The following SCUBE1 variants were observed in gnomAD, a reference collection of about 807,000 sequenced individuals.
The protein encoded by SCUBE1 is signal peptide, CUB domain and EGF like domain containing 1.
In SCUBE1, 59 loss-of-function variants were observed where a neutral mutation model predicts 124.4. That is an observed-to-expected ratio of 0.47 (90% confidence interval 0.38 to 0.59). SCUBE1 has a LOEUF of 0.59. Ranked by LOEUF, SCUBE1 falls within the 20% of genes least tolerant of loss-of-function variation. The probability of loss-of-function intolerance (pLI) is 0.00; values close to 1 mark genes in which losing one functional copy is unlikely to be tolerated. For synonymous variants in SCUBE1, 545 were observed against 550.9 expected, an observed-to-expected ratio of 0.99 and a Z score of 0.15; for missense variants, 1,150 against 1,371.2, an observed-to-expected ratio of 0.84 and a Z score of 2.55.
chr22:43,288,035 G>C (rs546437108), intron 4 of SCUBE1, among the ~76,000 whole-genome samples: 5 of 152,328 alleles, frequency 3.3e-5, no homozygotes, highest in African/African-American at 1.2e-4. Flanking sequence ...GCACCTTGTC[G>C]TTCGAGAGCA....
intron 3 of SCUBE1, among the ~76,000 whole-genome samples, chr22:43,311,324 C>A (rs1926160880): frequency 6.6e-6 from 1 of 152,130 alleles, no homozygotes; most frequent in Admixed American, 6.5e-5. Context: ...GCACTGAAAA[C>A]CATGTCTGGC....
rs985460416 is a variant in SCUBE1 at position 43,234,241 on chromosome 22, T to C, written c.845-2366A>G. ...AGGCCCATCTTGACTCTGCCTCAGTTGGCTGTGTGATGCTGGGCAGGGAAA... is the reference window on the plus strand; with the variant it reads ...AGGCCCATCTTGACTCTGCCTCAGTCGGCTGTGTGATGCTGGGCAGGGAAA... On this transcript the variant is annotated intron_variant, in intron 7 of 21. Coordinates refer to ENST00000360835, the MANE Select transcript of SCUBE1 (RefSeq NM_173050.5). This position sits in a 1 kb window ranked among gnomAD's most constrained non-coding sequence, Gnocchi z 4.4. 1.3e-5 allele frequency among the ~76,000 whole-genome samples: 2 copies of C among 152,206 alleles called. No individual in the cohort carries two copies. Among genetic ancestry groups the C allele is most frequent in the Non-Finnish European group, 2.9e-5 (2 of 68,040 alleles).
At chr22:43,331,039 T>A (rs1926887203) in intron 2 of SCUBE1, among the ~76,000 whole-genome samples, 1 of 152,174 alleles carries the variant, frequency 6.6e-6, no homozygotes, top group South Asian at 2.1e-4. Context: ...GTAATAATGA[T>A]GATGAAAATG....
In SCUBE1 at chr22:43,234,716, G is replaced by A. The variant is rs992290257; in HGVS notation, c.845-2841C>T. Among the ~76,000 whole-genome samples, 3 of 152,212 alleles carry A rather than the reference G, an allele frequency of 2.0e-5. No individual in the cohort carries two copies. Among genetic ancestry groups the A allele is most frequent in the African/African-American group, 7.2e-5 (3 of 41,530 alleles). On this transcript the variant is annotated intron_variant, in intron 7 of 21. Transcript: ENST00000360835. This position sits in a 1 kb window ranked among gnomAD's most constrained non-coding sequence, Gnocchi z 4.4. ...TTCCCACCCCACCGCCCCACACCAGGCAGCCAGCACCACCTTCCGCACACA... is the reference window on the plus strand; with the variant it reads ...TTCCCACCCCACCGCCCCACACCAGACAGCCAGCACCACCTTCCGCACACA...
intron 2 of SCUBE1, among the ~76,000 whole-genome samples, chr22:43,330,902 A>G (rs765748370): frequency 2.6e-5 from 4 of 152,284 alleles, no homozygotes; most frequent in Middle Eastern, 3.4e-3. Context: ...GTTAGCATGC[A>G]TAATTGCATG....
intron 4 of SCUBE1, among the ~76,000 whole-genome samples, chr22:43,281,483 TC>T (rs1924866605): frequency 3.4e-5 from 2 of 58,876 alleles, no homozygotes; most frequent in African/African-American, 2.8e-4. Context: ...GTCACCTCCC[TC>T]TTTGGCCACC....
intron 3 of SCUBE1, among the ~76,000 whole-genome samples, chr22:43,295,122 G>C (rs143970104): frequency 6.6e-6 from 1 of 152,128 alleles, no homozygotes; most frequent in Non-Finnish European, 1.5e-5. Flanking sequence ...TGTGAATGAC[G>C]ACCCTTCAAG....
intron 6 of SCUBE1, among the ~76,000 whole-genome samples, chr22:43,242,568 G>T (rs1332097891): frequency 6.6e-6 from 1 of 152,224 alleles, no homozygotes; most frequent in African/African-American, 2.4e-5. Flanking sequence ...CCCCTACCAG[G>T]GGCTGACATT....
chr22:43,261,053 A>G (rs1043585115), intron 5 of SCUBE1, among the ~76,000 whole-genome samples: 2 of 152,266 alleles, frequency 1.3e-5, no homozygotes, highest in Non-Finnish European at 2.9e-5. Flanking sequence ...TCTGCCTAAG[A>G]GAATGCACTG....
At chr22:43,270,774 C>G (rs934165285) in intron 4 of SCUBE1, among the ~76,000 whole-genome samples, 1 of 152,260 alleles carries the variant, frequency 6.6e-6, no homozygotes, top group South Asian at 2.1e-4. Flanking sequence ...CCTTCTCCAG[C>G]TGCAGAGGGA....
chr22:43,205,827 CCA>C (rs199969410), intron 21 of SCUBE1, among the ~76,000 whole-genome samples: 14 of 105,000 alleles, frequency 1.3e-4, no homozygotes, highest in African/African-American at 5.4e-4. Context: ...CCACTCACCC[CCA>C]CACACACCAC....
chr22:43,266,482 G>C (rs1164942267), intron 4 of SCUBE1, among the ~76,000 whole-genome samples: 1 of 152,202 alleles, frequency 6.6e-6, no homozygotes, highest in Non-Finnish European at 1.5e-5. Flanking sequence ...CAAGCAGATA[G>C]GCTCCGTGGC....
chr22:43,275,394 C>A (rs541215223), intron 4 of SCUBE1, among the ~76,000 whole-genome samples: 1 of 152,200 alleles, frequency 6.6e-6, no homozygotes, highest in Non-Finnish European at 1.5e-5. Flanking sequence ...GCACACACTT[C>A]GGGCATGAGT....
chr22:43,214,105 C>T lies in SCUBE1; in HGVS notation c.2038G>A (p.Val680Met), dbSNP rs753580958. ...CCGCACTTGCCTCCACATTCCGACA[C>T]GTTGCGGGCACCAGGCAGACCAAGC... is the stretch of plus-strand genomic sequence containing the variant. ...DGLGLPGARN[V>M]SECGGQCSPG... The change falls in exon 16 of 22, where the codon GTG (valine) becomes ATG (methionine). Residue 680 changes from valine to methionine, a missense_variant. Physicochemically the swap from Val to Met is conservative, Grantham distance 21. Coordinates refer to ENST00000360835, the MANE Select transcript of SCUBE1 (RefSeq NM_173050.5). 123 of 1,547,358 alleles carry T rather than the reference C, an allele frequency of 7.9e-5. No homozygotes were observed. The highest frequency in any genetic ancestry group is 1.7e-4 in the Middle Eastern group (1 of 5,748).
At chr22:43,322,131 G>A (rs766835572) in intron 2 of SCUBE1, among the ~76,000 whole-genome samples, 8 of 152,024 alleles carry the variant, frequency 5.3e-5, no homozygotes, top group Non-Finnish European at 1.0e-4. Flanking sequence ...CTACAGGCAC[G>A]TGCCACCATG....
chr22:43,223,304 G>A (rs559973765), intron 10 of SCUBE1, 88 bp from the exon 11 acceptor site: 1 of 1,421,426 alleles, frequency 7.0e-7, no homozygotes, highest in Non-Finnish European at 9.4e-7. Flanking sequence ...GCCTAATGGG[G>A]ACTCCCCCAA....
intron 21 of SCUBE1, among the ~76,000 whole-genome samples, chr22:43,204,580 T>G (rs892195365): frequency 4.9e-4 from 74 of 149,548 alleles, no homozygotes; most frequent in Non-Finnish European, 8.3e-4. Context: ...ATTACAGGCG[T>G]GAGCCACGGC....
At chr22:43,237,054 C>G (rs995421951) in intron 7 of SCUBE1, among the ~76,000 whole-genome samples, 1 of 145,910 alleles carries the variant, frequency 6.9e-6, no homozygotes, top group African/African-American at 2.6e-5. Context: ...CTGAGTGGGG[C>G]AGCCTGGTGA....
Position 43,200,242 on chromosome 22 carries a change from T to G in SCUBE1, c.*3755A>C, listed in dbSNP as rs1351920945. On this transcript the variant is annotated 3_prime_UTR_variant, in exon 22 of 22. Transcript: ENST00000360835. Reference sequence around the variant, plus strand: ...AGTGCAGGGACTCCCAGCAGCCCGCTTGCTTCTTGGCTCCTCTCCCTGGAG... The same window carrying G: ...AGTGCAGGGACTCCCAGCAGCCCGCGTGCTTCTTGGCTCCTCTCCCTGGAG... The G allele has an allele frequency of 6.6e-6, 1 of 152,288 alleles. No homozygotes were observed. The highest frequency in any genetic ancestry group is 2.4e-5 in the African/African-American group (1 of 41,474). 9.4% of individuals were successfully genotyped at this position (152,288 alleles called of 1,614,324 possible).
Sources: gnomAD v4.1 joint callset for allele counts (sites outside exome capture counted in the v4.1 genomes callset) on GRCh38, gnomAD v4.1.1 for gene constraint, Gnocchi (gnomAD v3.1) non-coding constraint, MANE v1.5 for transcripts, NCBI Gene and HGNC (gene_info 2026-07-23, HGNC 2026-07-21) for gene names.